Variants in POTEC observed in about 807,000 individuals in gnomAD.
The protein encoded by POTEC is POTE ankyrin domain family member C, also known as ANKRD26-like family B member 2.
Under a neutral mutation model 62.0 loss-of-function variants are expected in POTEC, and 35 were observed. The ratio of observed to expected loss-of-function variants is 0.56; its 90% CI spans 0.43 to 0.75. The LOEUF is 0.75. Among genes scored for constraint, POTEC ranks in the 30% least tolerant of loss-of-function variants. POTEC has a pLI of 0.00. For missense variants in POTEC, 472 were observed against 655.9 expected (o/e 0.72, Z 3.06); for synonymous variants, 156 against 221.5 (o/e 0.70, Z 2.62).
At chr18:14,526,920 G>T (rs1244203986) in intron 6 of POTEC, among the ~76,000 whole-genome samples, 2 of 152,082 alleles carry the variant, frequency 1.3e-5, no homozygotes, top group Non-Finnish European at 2.9e-5. Flanking sequence ...TAGCTCATGT[G>T]GACACAGCTG....
intron 10 of POTEC, 43 bp from the exon 11 acceptor site, chr18:14,512,036 G>T (rs753558852): frequency 2.9e-6 from 4 of 1,391,542 alleles, no homozygotes. Context: ...TCAATAGAAT[G>T]ACATATCATG....
rs938279989 is a variant in POTEC, at chr18:14,509,442, G to T, written c.*2456C>A. 2 of 151,794 alleles carry T rather than the reference G, an allele frequency of 1.3e-5. No homozygotes were observed. Among genetic ancestry groups the T allele is most frequent in the Non-Finnish European group, 2.9e-5 (2 of 67,978 alleles). 9.4% of individuals were successfully genotyped at this position (151,794 alleles called of 1,614,324 possible). On this transcript the variant is annotated 3_prime_UTR_variant, in exon 11 of 11. Coordinates refer to ENST00000358970, the MANE Select transcript of POTEC (RefSeq NM_001137671.2). ...ATGGCTTCATCTTCAGTGGCAGTTG[G>T]TGTGGGTTGGGGTGTGTGCTGCATT... is the stretch of plus-strand genomic sequence containing the variant.
intron 7 of POTEC, 72 bp downstream of exon 7, chr18:14,524,841 T>C (rs1398331761): frequency 6.6e-7 from 1 of 1,519,502 alleles, no homozygotes; most frequent in African/African-American, 1.4e-5. Flanking sequence ...TAATTTCATT[T>C]GGACTATCTA....
intron 5 of POTEC, among the ~76,000 whole-genome samples, chr18:14,530,894 A>G (rs945300342): frequency 1.3e-5 from 2 of 152,152 alleles, no homozygotes; most frequent in Non-Finnish European, 2.9e-5. Context: ...CTTAGGCTCA[A>G]TGTCTTCTTC....
intron 3 of POTEC, among the ~76,000 whole-genome samples, chr18:14,535,292 T>C (rs572082140): frequency 6.7e-6 from 1 of 149,474 alleles, no homozygotes; most frequent in South Asian, 2.2e-4. Context: ...TGGATGATTT[T>C]TTTTTTCATT....
chr18:14,538,114 A>G (rs772830857), intron 2 of POTEC, 21 bp downstream of exon 2: 21 of 1,566,886 alleles, frequency 1.3e-5, no homozygotes, highest in Admixed American at 1.8e-5. Flanking sequence ...TCTCACGCTG[A>G]TATAGTTGAC....
intron 10 of POTEC, among the ~76,000 whole-genome samples, chr18:14,512,289 A>ATGGC (rs1910030760): frequency 6.6e-6 from 1 of 152,248 alleles, no homozygotes; most frequent in Non-Finnish European, 1.5e-5. Flanking sequence ...TAGAAGATTA[A>ATGGC]TACATTTGGC....
At chr18:14,535,764 G>A (rs968968502) in intron 3 of POTEC, among the ~76,000 whole-genome samples, 13 of 151,776 alleles carry the variant, frequency 8.6e-5, no homozygotes, top group Non-Finnish European at 1.3e-4. Context: ...TCTTAAAAAC[G>A]ACTTACTGAC....
In POTEC at chr18:14,522,427, T is replaced by A; in HGVS notation, c.1243-7A>T. 1 of 1,471,402 alleles carries A rather than the reference T, an allele frequency of 6.8e-7. No homozygotes were observed. Among genetic ancestry groups the A allele is most frequent in the South Asian group, 1.4e-5 (1 of 73,050 alleles). The allele number at this position is 1,471,402 out of a possible 1,614,324, so 91.1% of individuals were successfully genotyped here. ...TCTTTATTTCTTCTTCAACCTTGAGTGGAAGTTTGATATTAAGGATGGTTA... is the reference window on the plus strand; with the variant it reads ...TCTTTATTTCTTCTTCAACCTTGAGAGGAAGTTTGATATTAAGGATGGTTA... On this transcript the variant is annotated splice_region_variant and splice_polypyrimidine_tract_variant and intron_variant, in intron 8 of 10. Transcript: ENST00000358970.
At chr18:14,536,986 C>G (rs1905739207) in intron 3 of POTEC, among the ~76,000 whole-genome samples, 1 of 151,736 alleles carries the variant, frequency 6.6e-6, no homozygotes, top group African/African-American at 2.4e-5. Context: ...ATTCCTTCTA[C>G]TCAAGGGTTT....
chr18:14,539,692 C>T (rs890349514), intron 1 of POTEC, among the ~76,000 whole-genome samples: 11 of 151,676 alleles, frequency 7.3e-5, no homozygotes, highest in African/African-American at 2.7e-4. Context: ...ACAGTCTTTA[C>T]CCAAGCCTTA....
At chr18:14,537,216 A>AC (rs1167301420) in intron 3 of POTEC, among the ~76,000 whole-genome samples, 7 of 96,904 alleles carry the variant, frequency 7.2e-5, no homozygotes, top group Admixed American at 9.8e-5. Flanking sequence ...CACACAAAAA[A>AC]AAAAAAAAAC....
intron 5 of POTEC, chr18:14,531,855 A>C (rs1567913827): frequency 6.6e-6 from 1 of 151,848 alleles, no homozygotes; most frequent in Non-Finnish European, 1.5e-5. Flanking sequence ...ACTCATCACT[A>C]CTTACTTAAC....
intron 8 of POTEC, among the ~76,000 whole-genome samples, chr18:14,522,651 A>G (rs1317703496): frequency 6.6e-6 from 1 of 152,052 alleles, no homozygotes; most frequent in East Asian, 1.9e-4. Flanking sequence ...TTGCTGTTTG[A>G]CTGAATAAAA....
At position 14,509,713 on chromosome 18, in the gene POTEC, G is replaced by C. The variant is rs574345843; in HGVS notation, c.*2185C>G. ...GTGTGGCCTGGCTGGGGTCCTGGGA[G>C]AGGCAAGCAGACTAAGGGGTGCTGA... On this transcript the variant is annotated 3_prime_UTR_variant, in exon 11 of 11. Transcript: ENST00000358970. The C allele has an allele frequency of 6.9e-4, 101 of 146,500 alleles. No individual in the cohort carries two copies. Among genetic ancestry groups the C allele is most frequent in the African/African-American group, 2.5e-3 (99 of 39,944 alleles). The allele number at this position is 146,500 out of a possible 1,614,324, so 9.1% of individuals were successfully genotyped here. A position where few individuals can be genotyped will look rare whatever the true frequency, so the allele number is the denominator to read the frequency against.
rs1909947843 is a variant in POTEC, at chr18:14,509,714, A to T, written c.*2184T>A. ...TGTGGCCTGGCTGGGGTCCTGGGAG[A>T]GGCAAGCAGACTAAGGGGTGCTGAG... On this transcript the variant is annotated 3_prime_UTR_variant, in exon 11 of 11. Coordinates refer to ENST00000358970, the MANE Select transcript of POTEC (RefSeq NM_001137671.2). 2 of 146,026 alleles carry T rather than the reference A, an allele frequency of 1.4e-5. No individual in the cohort carries two copies. The highest frequency in any genetic ancestry group is 4.4e-4 in the South Asian group (2 of 4,502). 9.0% of individuals were successfully genotyped at this position (146,026 alleles called of 1,614,324 possible). A position where few individuals can be genotyped will look rare whatever the true frequency, so the allele number is the denominator to read the frequency against.
At chr18:14,531,437 T>A (rs1339835480) in intron 5 of POTEC, among the ~76,000 whole-genome samples, 2 of 152,150 alleles carry the variant, frequency 1.3e-5, no homozygotes, top group African/African-American at 4.8e-5. Flanking sequence ...CTTTTATTTT[T>A]TTCCGTTTTC....
intron 9 of POTEC, among the ~76,000 whole-genome samples, chr18:14,518,806 A>C (rs975992903): frequency 2.0e-5 from 3 of 148,746 alleles, no homozygotes; most frequent in African/African-American, 7.5e-5. Context: ...ATCTTTAAGC[A>C]CTAGGGGTAG....
chr18:14,543,295 C>G lies in POTEC; in HGVS notation c.-149G>C, dbSNP rs1906026845. On this transcript the variant is annotated 5_prime_UTR_variant, in exon 1 of 11. Transcript: ENST00000358970. ...AAACTTGCCAACCCCAGCAAGGGAG[C>G]CCAGTCCACCCCACCCAGGGAAAAC... 1 of 1,338,796 alleles carries G rather than the reference C, an allele frequency of 7.5e-7. No homozygotes were observed. The highest frequency in any genetic ancestry group is 1.0e-6 in the Non-Finnish European group (1 of 985,476). The allele number at this position is 1,338,796 out of a possible 1,614,324, so 82.9% of individuals were successfully genotyped here. A position where few individuals can be genotyped will look rare whatever the true frequency, so the allele number is the denominator to read the frequency against.
Sources: gnomAD v4.1 joint callset for allele counts (sites outside exome capture counted in the v4.1 genomes callset) on GRCh38, gnomAD v4.1.1 for gene constraint, MANE v1.5 for transcripts, NCBI Gene and HGNC (gene_info 2026-07-23, HGNC 2026-07-21) for gene names.